Variants in CNTN1 observed in about 807,000 individuals in gnomAD.
CNTN1 encodes the protein contactin-1.
In CNTN1, 38 loss-of-function variants were observed where a neutral mutation model predicts 126.4. That is an observed-to-expected ratio of 0.30 (90% CI 0.23 to 0.39). The LOEUF is 0.39. CNTN1 is among the 10% of genes least tolerant of loss of function. CNTN1 has a pLI of 1.00. For missense variants in CNTN1, 1,009 were observed against 1,248.4 expected, an observed-to-expected ratio of 0.81 and a Z score of 2.89; for synonymous variants, 413 against 422.6, an observed-to-expected ratio of 0.98 and a Z score of 0.28.
At chr12:40,738,188 TTGTTCAGAG>T (rs1352647312) in intron 1 of CNTN1, among the ~76,000 whole-genome samples, 4 of 152,062 alleles carry the variant, frequency 2.6e-5, no homozygotes, top group Non-Finnish European at 5.9e-5. Context: ...AATATGATAT[TTGTTCAGAG>T]TGTACAATGT....
intron 1 of CNTN1, among the ~76,000 whole-genome samples, chr12:40,791,066 A>G (rs544461612): frequency 5.3e-5 from 8 of 152,138 alleles, no homozygotes; most frequent in African/African-American, 1.7e-4. Context: ...TCTCACAACA[A>G]TTTTGTTATT....
intron 17 of CNTN1, among the ~76,000 whole-genome samples, chr12:41,000,579 C>A (rs1228220925): frequency 3.3e-5 from 5 of 151,896 alleles, no homozygotes; most frequent in African/African-American, 1.2e-4. Context: ...ATCTCTCAAA[C>A]TTCATATTAT....
In CNTN1 at chr12:40,822,394, A is replaced by T. The variant is rs537057075; in HGVS notation, c.-76-85963A>T. Among the ~76,000 whole-genome samples the T allele has an allele frequency of 4.6e-5, 7 of 151,792 alleles. No individual in the cohort carries two copies. The South Asian group carries it at 1.5e-3, about 32-fold the overall frequency. On this transcript the variant is annotated intron_variant, in intron 1 of 23. Coordinates refer to ENST00000551295, the MANE Select transcript of CNTN1 (RefSeq NM_001843.4). ...GGTCTCAAACTCCTGACCTCAGGTG[A>T]TCCGCTCGCCTCGGGCTCCCAAAGT...
Position 40,787,318 on chromosome 12 carries a change from A to G in CNTN1, c.-77+94726A>G, listed in dbSNP as rs182902587. Reference sequence around the variant, plus strand: ...ATCAATCAACAATAATTTGTTTAGCACCAAATATGTGCTCACTACTCTGCT... The same window carrying G: ...ATCAATCAACAATAATTTGTTTAGCGCCAAATATGTGCTCACTACTCTGCT... On this transcript the variant is annotated intron_variant, in intron 1 of 23. Transcript: ENST00000551295. Among the ~76,000 whole-genome samples the G allele has an allele frequency of 1.3e-3, 200 of 152,258 alleles. 1 individual carries two copies. Among genetic ancestry groups the G allele is most frequent in the African/African-American group, 4.6e-3 (190 of 41,562 alleles).
chr12:40,904,287 G>GA (rs374935713), intron 1 of CNTN1, among the ~76,000 whole-genome samples: 1 of 152,064 alleles, frequency 6.6e-6, no homozygotes, highest in Non-Finnish European at 1.5e-5. Flanking sequence ...CAAAGTGCTG[G>GA]ATTACAGGCG....
Position 40,908,375 on chromosome 12 carries a change from C to G in CNTN1, c.-58C>G, listed in dbSNP as rs1056273165. 1 of 1,300,394 alleles carries G rather than the reference C, an allele frequency of 7.7e-7. No individual in the cohort carries two copies. Among genetic ancestry groups the G allele is most frequent in the Non-Finnish European group, 1.1e-6 (1 of 898,210 alleles). The allele number at this position is 1,300,394 out of a possible 1,614,324, so 80.6% of individuals were successfully genotyped here. ...GATGCAGGTGTTTAAAATTATCCAA[C>G]TGCCATAGAGCTAAATTCTTTTTTG... On this transcript the variant is annotated 5_prime_UTR_variant, in exon 2 of 24. Transcript: ENST00000551295.
chr12:40,709,962 T>G (rs1051365145), intron 1 of CNTN1, among the ~76,000 whole-genome samples: 4 of 152,190 alleles, frequency 2.6e-5, no homozygotes, highest in Non-Finnish European at 5.9e-5. Context: ...TTTTCAAGAA[T>G]TTTTCCTTTA....
chr12:40,866,161 C>T (rs1359538276), intron 1 of CNTN1, among the ~76,000 whole-genome samples: 1 of 151,988 alleles, frequency 6.6e-6, no homozygotes, highest in African/African-American at 2.4e-5. Context: ...GCATATTTAT[C>T]ATCTACCCTG....
chr12:40,954,501 A>T (rs1198007885), intron 14 of CNTN1, among the ~76,000 whole-genome samples: 1 of 152,096 alleles, frequency 6.6e-6, no homozygotes, highest in Non-Finnish European at 1.5e-5. Context: ...ATTTTAATAT[A>T]AGTAATAAAA....
chr12:40,916,816 T>C (rs1293595364), intron 3 of CNTN1, among the ~76,000 whole-genome samples: 1 of 152,028 alleles, frequency 6.6e-6, no homozygotes, highest in Non-Finnish European at 1.5e-5. Flanking sequence ...ACAAATTGCT[T>C]GCCTAAGACA....
At chr12:40,934,841 C>T (rs1361958683) in intron 9 of CNTN1, among the ~76,000 whole-genome samples, 2 of 152,054 alleles carry the variant, frequency 1.3e-5, no homozygotes, top group Non-Finnish European at 2.9e-5. Flanking sequence ...ATTGCTAAAG[C>T]TAATGATCAA....
chr12:40,760,280 C>G (rs1020894309), intron 1 of CNTN1, among the ~76,000 whole-genome samples: 2 of 152,136 alleles, frequency 1.3e-5, no homozygotes, highest in African/African-American at 4.8e-5. Context: ...TTACTTCTTA[C>G]ATCTGTACAT....
At chr12:40,849,214 T>G (rs532788311) in intron 1 of CNTN1, among the ~76,000 whole-genome samples, 3 of 152,128 alleles carry the variant, frequency 2.0e-5, no homozygotes, top group Non-Finnish European at 4.4e-5. Context: ...AAGTGAAATA[T>G]TCCCTGAACT....
At chr12:40,953,773 G>A (rs1482014934) in intron 14 of CNTN1, among the ~76,000 whole-genome samples, 1 of 149,640 alleles carries the variant, frequency 6.7e-6, no homozygotes, top group African/African-American at 2.5e-5. Flanking sequence ...TTTATTACAT[G>A]TGACAGTATA....
chr12:40,911,216 G>A (rs1945017617), intron 3 of CNTN1, among the ~76,000 whole-genome samples: 1 of 152,090 alleles, frequency 6.6e-6, no homozygotes, highest in African/African-American at 2.4e-5. Context: ...GAGTAGCTGG[G>A]ACTACAGGCA....
rs148717740 is a variant in CNTN1, at chr12:40,737,493, C to T, written c.-77+44901C>T. Among the ~76,000 whole-genome samples, 1,442 of 151,402 alleles carry T rather than the reference C, an allele frequency of 9.5e-3. 13 individuals are homozygous for T. The highest frequency in any genetic ancestry group is 0.016 in the Non-Finnish European group (1,102 of 67,816). On this transcript the variant is annotated intron_variant, in intron 1 of 23. Transcript: ENST00000551295. ...TCCCAAAACTGAAGAACCTGGAGTCCGATGTTCAAGGACAGGAAGCATTCA... is the reference window on the plus strand; with the variant it reads ...TCCCAAAACTGAAGAACCTGGAGTCTGATGTTCAAGGACAGGAAGCATTCA...
At chr12:40,866,066 G>A (rs1026683324) in intron 1 of CNTN1, among the ~76,000 whole-genome samples, 13 of 151,590 alleles carry the variant, frequency 8.6e-5, no homozygotes, top group Admixed American at 2.6e-4. Flanking sequence ...TATGTTATTC[G>A]TCTTGGTGCT....
At chr12:40,904,394 C>T in intron 1 of CNTN1, among the ~76,000 whole-genome samples, 1 of 148,362 alleles carries the variant, frequency 6.7e-6, no homozygotes, top group African/African-American at 2.5e-5. Context: ...TCCTTCCTTC[C>T]TTCTTCCCTC....
chr12:40,981,184 T>A, intron 16 of CNTN1, 117 bp downstream of exon 16: 1 of 936,170 alleles, frequency 1.1e-6, no homozygotes, highest in African/African-American at 1.7e-5. Context: ...CTTTCTTTCT[T>A]AAATTTTTTA....
Sources: gnomAD v4.1 joint callset for allele counts (sites outside exome capture counted in the v4.1 genomes callset) on GRCh38, gnomAD v4.1.1 for gene constraint, MANE v1.5 for transcripts, NCBI Gene and HGNC (gene_info 2026-07-23, HGNC 2026-07-21) for gene names.